The following PDE1C variants were observed in gnomAD, a reference collection of about 807,000 sequenced individuals.
PDE1C encodes the protein dual specificity calcium/calmodulin-dependent 3',5'-cyclic nucleotide phosphodiesterase 1C.
In PDE1C, 62 loss-of-function variants were observed where a neutral mutation model predicts 93.1. The observed-to-expected ratio is 0.67, with a 90% confidence interval of 0.54 to 0.82. The LOEUF is 0.82. Among genes scored for constraint, PDE1C ranks in the 40% least tolerant of loss-of-function variants. The pLI is 0.00. For synonymous variants in PDE1C, 325 were observed against 310.1 expected, an observed-to-expected ratio of 1.05 and a Z score of -0.50; for missense variants, 742 against 884.6, an observed-to-expected ratio of 0.84 and a Z score of 2.04.
intron 16 of PDE1C, chr7:31,789,934 T>A (rs1483979194): frequency 5.2e-6 from 6 of 1,163,410 alleles, no homozygotes; most frequent in Non-Finnish European, 6.4e-6. Context: ...GCCAGGTCAT[T>A]AGCAAAGGAT....
At chr7:32,306,674 G>A (rs1813012142) in intron 1 of PDE1C, among the ~76,000 whole-genome samples, 1 of 152,194 alleles carries the variant, frequency 6.6e-6, no homozygotes, top group Admixed American at 6.5e-5. Flanking sequence ...CCCTGTCGCT[G>A]TAGAAAAATT....
At chr7:32,126,351 G>C (rs1799581977) in intron 3 of PDE1C, among the ~76,000 whole-genome samples, 1 of 152,164 alleles carries the variant, frequency 6.6e-6, no homozygotes, top group Non-Finnish European at 1.5e-5. Context: ...ACTCAAGGAA[G>C]AGTGGCAGAG....
At position 31,873,426 on chromosome 7, in the gene PDE1C, G is replaced by A. The variant is rs745786442; in HGVS notation, c.493-18C>T. 4 of 1,506,398 alleles carry A rather than the reference G, an allele frequency of 2.7e-6. No individual in the cohort carries two copies. The Admixed American group carries it at 5.1e-5, about 19-fold the overall frequency. 93.3% of individuals were successfully genotyped at this position (1,506,398 alleles called of 1,614,324 possible). A position where few individuals can be genotyped will look rare whatever the true frequency, so the allele number is the denominator to read the frequency against. ...TCCACATCCTGCAGGACAGGGTGGGGAGAAAGAACACATTAGCCCACAGAC... is the reference window on the plus strand; with the variant it reads ...TCCACATCCTGCAGGACAGGGTGGGAAGAAAGAACACATTAGCCCACAGAC... On this transcript the variant is annotated intron_variant, in intron 5 of 17. Transcript: ENST00000396191.
At chr7:31,962,474 G>T (rs541273133) in intron 2 of PDE1C, among the ~76,000 whole-genome samples, 7 of 152,186 alleles carry the variant, frequency 4.6e-5, no homozygotes, top group African/African-American at 1.7e-4. Context: ...AGTCATTTCT[G>T]CTTCAACTGC....
intron 3 of PDE1C, among the ~76,000 whole-genome samples, chr7:32,147,983 C>G (rs1307083627): frequency 9.8e-5 from 1 of 10,158 alleles, no homozygotes; most frequent in African/African-American, 6.1e-4. Flanking sequence ...CCCATTTATG[C>G]TAAAAAAAAA....
At chr7:31,652,541 G>A in the PDE1C span, 4 of 1,604,426 alleles carry the variant, frequency 2.5e-6, no homozygotes, top group South Asian at 2.2e-5. Context: ...TCACAGCAGA[G>A]CCACCTGAAC....
At chr7:31,797,671 A>T (rs1785476019) in intron 16 of PDE1C, among the ~76,000 whole-genome samples, 1 of 151,686 alleles carries the variant, frequency 6.6e-6, no homozygotes, top group Non-Finnish European at 1.5e-5. Flanking sequence ...ACATCACATG[A>T]TCTGGGCACA....
the PDE1C span, among the ~76,000 whole-genome samples, chr7:31,646,995 G>GA: frequency 2.0e-5 from 3 of 152,144 alleles, no homozygotes; most frequent in African/African-American, 7.2e-5. Flanking sequence ...CAAAGAAATA[G>GA]AAAAAAATAC....
chr7:32,333,089 C>G (rs1160782349), intron 1 of PDE1C, among the ~76,000 whole-genome samples: 1 of 152,078 alleles, frequency 6.6e-6, no homozygotes, highest in Non-Finnish European at 1.5e-5. Flanking sequence ...CCTATGACAA[C>G]TAAAGGCAAT....
chr7:31,708,008 G>T, the PDE1C span: 1 of 152,178 alleles, frequency 6.6e-6, no homozygotes, highest in East Asian at 1.9e-4. Flanking sequence ...TTTGTGAGTT[G>T]TGTCACAAGT....
the PDE1C span, among the ~76,000 whole-genome samples, chr7:31,742,354 T>C: frequency 6.6e-6 from 1 of 152,208 alleles, no homozygotes; most frequent in Non-Finnish European, 1.5e-5. Flanking sequence ...CTGTTTCTTT[T>C]AATAACTACA....
intron 1 of PDE1C, among the ~76,000 whole-genome samples, chr7:32,275,894 C>A (rs1327493447): frequency 2.0e-5 from 3 of 152,152 alleles, no homozygotes; most frequent in Non-Finnish European, 4.4e-5. Context: ...CCAGAAAATT[C>A]ATTAACAGGA....
chr7:32,295,849 G>A (rs371314849), intron 1 of PDE1C, among the ~76,000 whole-genome samples: 2 of 143,350 alleles, frequency 1.4e-5, no homozygotes, highest in Admixed American at 7.4e-5. Flanking sequence ...AGCTGAGATC[G>A]GGTCACTGCA....
chr7:31,859,815 C>T (rs1794461430), intron 7 of PDE1C, among the ~76,000 whole-genome samples: 1 of 152,094 alleles, frequency 6.6e-6, no homozygotes, highest in Admixed American at 6.6e-5. Context: ...TTTCAATATA[C>T]TTTCATATAT....
the PDE1C span, among the ~76,000 whole-genome samples, chr7:31,733,520 T>C: frequency 0.99 from 151,220 of 152,370 alleles, 75,045 homozygotes; most frequent in East Asian, 1. Flanking sequence ...TGCCCAAGTT[T>C]TCAGAAGCAG....
At chr7:32,337,543 G>T (rs1405211036) in intron 1 of PDE1C, among the ~76,000 whole-genome samples, 1 of 152,136 alleles carries the variant, frequency 6.6e-6, no homozygotes. Context: ...GATTTTGATG[G>T]GGTAATCAAT....
chr7:32,126,662 A>G (rs1258112356), intron 3 of PDE1C, among the ~76,000 whole-genome samples: 1 of 152,208 alleles, frequency 6.6e-6, no homozygotes, highest in African/African-American at 2.4e-5. Context: ...ACTATTTGTC[A>G]TCCCCAATAT....
chr7:31,971,876 T>C (rs1811010687), intron 2 of PDE1C, among the ~76,000 whole-genome samples: 1 of 152,214 alleles, frequency 6.6e-6, no homozygotes, highest in African/African-American at 2.4e-5. Flanking sequence ...CCTGTAGTGC[T>C]AATTCCTCTC....
At chr7:32,297,870 T>G (rs1812678534) in intron 1 of PDE1C, among the ~76,000 whole-genome samples, 1 of 152,082 alleles carries the variant, frequency 6.6e-6, no homozygotes, top group African/African-American at 2.4e-5. Flanking sequence ...TTTTTCTGCT[T>G]TATTTTTCTG....
Sources: gnomAD v4.1 joint callset for allele counts (sites outside exome capture counted in the v4.1 genomes callset) on GRCh38, gnomAD v4.1.1 for gene constraint, MANE v1.5 for transcripts, NCBI Gene and HGNC (gene_info 2026-07-23, HGNC 2026-07-21) for gene names.